The following KIRREL1 variants were observed in gnomAD, a reference collection of about 807,000 sequenced individuals.
KIRREL1 encodes kirre like nephrin family adhesion molecule 1.
Under a neutral mutation model 83.3 loss-of-function variants are expected in KIRREL1, and 25 were observed. The observed-to-expected ratio is 0.30, with a 90% CI of 0.22 to 0.42. The LOEUF is 0.42. KIRREL1 is among the 10% of genes least tolerant of loss of function. The pLI, the probability that KIRREL1 is intolerant of heterozygous loss-of-function variation, is 1.00. For synonymous variants in KIRREL1, 388 were observed against 410.4 expected (o/e 0.95, Z 0.66); for missense variants, 812 against 1,032.3 (o/e 0.79, Z 2.92).
At position 158,095,163 on chromosome 1, in the gene KIRREL1, A is replaced by G. The variant is rs1485450966; in HGVS notation, c.*43A>G. ...GGGCATCTCTGCGGGGCAGAGGAGA[A>G]GGCTTTCACAGCTGTTCCCTGATAT... is the stretch of plus-strand genomic sequence containing the variant. On this transcript the variant is annotated 3_prime_UTR_variant, in exon 15 of 15. Transcript: ENST00000359209. 3.0e-6 allele frequency: 4 copies of G among 1,346,826 alleles called. No homozygotes were observed. Among genetic ancestry groups the G allele is most frequent in the South Asian group, 1.4e-5 (1 of 73,492 alleles). The allele number at this position is 1,346,826 out of a possible 1,614,324, so 83.4% of individuals were successfully genotyped here.
chr1:158,055,957 A>G (rs992264509), intron 1 of KIRREL1, among the ~76,000 whole-genome samples: 1 of 152,058 alleles, frequency 6.6e-6, no homozygotes, highest in Non-Finnish European at 1.5e-5. Context: ...CCACCTGAGG[A>G]CTTCTGGTTT....
At chr1:158,038,859 A>G (rs1468492202) in intron 1 of KIRREL1, among the ~76,000 whole-genome samples, 3 of 152,258 alleles carry the variant, frequency 2.0e-5, no homozygotes, top group East Asian at 1.9e-4. Context: ...TAGGTCTTCA[A>G]TAAACATTGA....
In KIRREL1 at chr1:158,078,447, G is replaced by A. The variant is rs533775893; in HGVS notation, c.352+307G>A. ...GGCTGTGGAGACAAGAAGCAGGGACGTATGGAGTGATGGAGACCCGGGCCC... is the reference window on the plus strand; with the variant it reads ...GGCTGTGGAGACAAGAAGCAGGGACATATGGAGTGATGGAGACCCGGGCCC... On this transcript the variant is annotated intron_variant, in intron 3 of 14. Transcript: ENST00000359209. Among the ~76,000 whole-genome samples, 8 of 152,316 alleles carry A rather than the reference G, an allele frequency of 5.3e-5. 1 individual carries two copies. The highest frequency in any genetic ancestry group is 1.4e-4 in the African/African-American group (6 of 41,580).
rs2101652248 is a variant in KIRREL1 at position 158,096,530 on chromosome 1, G to C, written c.*1410G>C. The C allele has an allele frequency of 2.2e-6, 1 of 456,414 alleles. No homozygotes were observed. Among genetic ancestry groups the C allele is most frequent in the African/African-American group, 2.0e-5 (1 of 50,148 alleles). The allele number at this position is 456,414 out of a possible 1,614,324, so 28.3% of individuals were successfully genotyped here. A position where few individuals can be genotyped will look rare whatever the true frequency, so the allele number is the denominator to read the frequency against. ...TGTTACAGTGTTAGGAGAGAGATGG[G>C]TGAGGGGACCTGGAGAGGTAAGGGG... On this transcript the variant is annotated 3_prime_UTR_variant, in exon 15 of 15. Transcript: ENST00000359209.
intron 1 of KIRREL1, among the ~76,000 whole-genome samples, chr1:158,045,211 T>C (rs1660747551): frequency 6.6e-6 from 1 of 152,146 alleles, no homozygotes; most frequent in Admixed American, 6.5e-5. Flanking sequence ...GCACAAATCA[T>C]GAGGGGCTAC....
chr1:158,079,972 C>T (rs11264903), intron 3 of KIRREL1, among the ~76,000 whole-genome samples: 69,070 of 151,946 alleles, frequency 0.45, 16,288 homozygotes, highest in East Asian at 0.7. Flanking sequence ...TTCAAGGCTG[C>T]TGGATGATTT....
chr1:157,993,940 G>C (rs1043729258), intron 1 of KIRREL1, among the ~76,000 whole-genome samples: 1 of 152,132 alleles, frequency 6.6e-6, no homozygotes, highest in Non-Finnish European at 1.5e-5. Context: ...CCGTTGATTT[G>C]CCCAAGTTGT....
At chr1:158,058,008 A>C (rs1422714427) in intron 1 of KIRREL1, among the ~76,000 whole-genome samples, 2 of 152,202 alleles carry the variant, frequency 1.3e-5, no homozygotes, top group Non-Finnish European at 2.9e-5. Flanking sequence ...ATTGCCTTCC[A>C]GTTGATTGAT....
At chr1:158,021,257 T>C (rs1201019412) in intron 1 of KIRREL1, among the ~76,000 whole-genome samples, 1 of 152,238 alleles carries the variant, frequency 6.6e-6, no homozygotes. Context: ...AATTATTTTC[T>C]GGTGACCCGG....
intron 1 of KIRREL1, among the ~76,000 whole-genome samples, chr1:158,060,962 G>T (rs1661201831): frequency 6.6e-6 from 1 of 152,146 alleles, no homozygotes; most frequent in Non-Finnish European, 1.5e-5. Flanking sequence ...AGGTTAAACT[G>T]CTCCTGTCCC....
chr1:158,053,472 C>T lies in KIRREL1; in HGVS notation c.53-22641C>T, dbSNP rs180972723. Among the ~76,000 whole-genome samples the T allele has an allele frequency of 3.9e-5, 6 of 152,320 alleles. No homozygotes were observed. The East Asian group carries it at 9.6e-4, about 24-fold the overall frequency. ...TTACAACCCTGCCCTTCCACAAATA[C>T]CCAGTGACTCAGCCACACCAGACTC... is the stretch of plus-strand genomic sequence containing the variant. On this transcript the variant is annotated intron_variant, in intron 1 of 14. Transcript: ENST00000359209.
intron 1 of KIRREL1, among the ~76,000 whole-genome samples, chr1:158,071,088 T>C (rs1319130943): frequency 6.6e-6 from 1 of 152,000 alleles, no homozygotes; most frequent in Non-Finnish European, 1.5e-5. Flanking sequence ...CTGCCTTCCT[T>C]CCCCCCTGCT....
intron 3 of KIRREL1, among the ~76,000 whole-genome samples, chr1:158,079,134 C>G (rs950617284): frequency 3.3e-5 from 5 of 152,202 alleles, no homozygotes; most frequent in African/African-American, 1.2e-4. Context: ...TCCCTATTTA[C>G]ATTGACTCTG....
intron 1 of KIRREL1, among the ~76,000 whole-genome samples, chr1:158,009,714 G>A: frequency 6.6e-6 from 1 of 152,196 alleles, no homozygotes; most frequent in East Asian, 1.9e-4. Flanking sequence ...GTTCAAGCTG[G>A]GGCTGCTTCT....
At chr1:158,063,155 T>C (rs1661260021) in intron 1 of KIRREL1, among the ~76,000 whole-genome samples, 1 of 152,246 alleles carries the variant, frequency 6.6e-6, no homozygotes, top group Non-Finnish European at 1.5e-5. Flanking sequence ...TAAATGTGCA[T>C]TTATTGAATA....
intron 1 of KIRREL1, among the ~76,000 whole-genome samples, chr1:158,071,626 C>T (rs1169405054): frequency 6.6e-6 from 1 of 152,202 alleles, no homozygotes; most frequent in Non-Finnish European, 1.5e-5. Flanking sequence ...TGGTTCCCCT[C>T]CCACCTGGCC....
In KIRREL1 at chr1:158,096,351, G is replaced by T. The variant is rs1450293797; in HGVS notation, c.*1231G>T. ...ACCTTCCAGGGGGTATGGGAGACAG[G>T]TTTTGGTTTTTAAGTGTCTTTTTTT... On this transcript the variant is annotated 3_prime_UTR_variant, in exon 15 of 15. Coordinates refer to ENST00000359209, the MANE Select transcript of KIRREL1 (RefSeq NM_018240.7). 1 of 354,716 alleles carries T rather than the reference G, an allele frequency of 2.8e-6. No individual in the cohort carries two copies. The highest frequency in any genetic ancestry group is 2.2e-5 in the South Asian group (1 of 46,084). The allele number at this position is 354,716 out of a possible 1,614,324, so 22.0% of individuals were successfully genotyped here.
chr1:158,017,059 T>TTAC (rs1294951447), intron 1 of KIRREL1, among the ~76,000 whole-genome samples: 1 of 152,192 alleles, frequency 6.6e-6, no homozygotes, highest in Non-Finnish European at 1.5e-5. Flanking sequence ...CACGGAGCAT[T>TTAC]TACTATATGT....
intron 1 of KIRREL1, among the ~76,000 whole-genome samples, chr1:158,041,613 C>A (rs998137976): frequency 3.3e-5 from 5 of 152,170 alleles, no homozygotes; most frequent in African/African-American, 1.2e-4. Flanking sequence ...TATCTTAGAA[C>A]CTAACCCAGA....
Sources: allele counts gnomAD v4.1 joint callset (sites outside exome capture counted in the v4.1 genomes callset), GRCh38; gene constraint gnomAD v4.1.1; transcripts MANE v1.5; gene names NCBI Gene and HGNC (gene_info 2026-07-23, HGNC 2026-07-21).